DNM1L: variants seen among roughly 807,000 people sequenced by gnomAD.
DNM1L encodes dynamin 1L, also known as dynamin-1-like protein.
A neutral mutation model predicts 92.8 loss-of-function variants in DNM1L; 33 were observed. That is an observed-to-expected ratio of 0.36 (90% CI 0.27 to 0.48). The LOEUF is 0.48. Ranked by LOEUF, DNM1L falls within the 20% of genes least tolerant of loss-of-function variation. DNM1L has a pLI of 0.99. For missense variants in DNM1L, 485 were observed against 888.8 expected, an observed-to-expected ratio of 0.55 and a Z score of 5.78; for synonymous variants, 284 against 305.0, an observed-to-expected ratio of 0.93 and a Z score of 0.72.
At chr12:32,705,857 T>G (rs1189931797) in intron 2 of DNM1L, 1 of 1,598,056 alleles carries the variant, frequency 6.3e-7, no homozygotes, top group African/African-American at 1.3e-5. Context: ...AAGACACCTT[T>G]CTAAAGGTTT....
At chr12:32,728,554 C>T (rs532103955) in intron 9 of DNM1L, 3 of 152,230 alleles carry the variant, frequency 2.0e-5, no homozygotes, top group African/African-American at 4.8e-5. Context: ...CCTAATCAAG[C>T]GTTTCAGACA....
chr12:32,720,809 C>T lies in DNM1L; in HGVS notation c.872+14C>T, dbSNP rs1164641017. 1.2e-6 allele frequency: 2 copies of T among 1,611,928 alleles called. No individual in the cohort carries two copies. Among genetic ancestry groups the T allele is most frequent in the African/African-American group, 1.3e-5 (1 of 74,824 alleles). On this transcript the variant is annotated intron_variant, in intron 8 of 19. Transcript: ENST00000549701. ...GACTCTAAACAGGTAATTTTTTTACCTTTTGGAAATGAGATGTGTTTGTTT... is the reference window on the plus strand; with the variant it reads ...GACTCTAAACAGGTAATTTTTTTACTTTTTGGAAATGAGATGTGTTTGTTT...
At chr12:32,735,048 G>A (rs577164169) in intron 13 of DNM1L, among the ~76,000 whole-genome samples, 1 of 152,286 alleles carries the variant, frequency 6.6e-6, no homozygotes, top group Admixed American at 6.5e-5. Flanking sequence ...AAATTAGCAT[G>A]TAGACACTTA....
At chr12:32,701,350 T>G in intron 1 of DNM1L, 65 bp from the exon 2 acceptor site, 2 of 1,403,386 alleles carry the variant, frequency 1.4e-6, no homozygotes, top group Non-Finnish European at 2.0e-6. Flanking sequence ...GTTAATATAG[T>G]TTATTGAATT....
chr12:32,731,764 G>A lies in DNM1L; in HGVS notation c.1357-90G>A. On this transcript the variant is annotated intron_variant, in intron 11 of 19. Coordinates refer to ENST00000549701, the MANE Select transcript of DNM1L (RefSeq NM_012062.5). The surrounding 1 kb of genome is among the most constrained non-coding windows in gnomAD (Gnocchi z 5.1). ...TCTACATGTAGTCTCAGCTACTTGGGAGGCTAAGGTGGGAGGATGGCTTAG... is the reference window on the plus strand; with the variant it reads ...TCTACATGTAGTCTCAGCTACTTGGAAGGCTAAGGTGGGAGGATGGCTTAG... 8.8e-7 allele frequency: 1 copy of A among 1,141,900 alleles called. No individual in the cohort carries two copies. 70.7% of individuals were successfully genotyped at this position (1,141,900 alleles called of 1,614,324 possible).
Position 32,743,502 on chromosome 12 carries a change from T to A in DNM1L, c.*92T>A. 1 of 1,218,180 alleles carries A rather than the reference T, an allele frequency of 8.2e-7. No homozygotes were observed. The highest frequency in any genetic ancestry group is 1.2e-6 in the Non-Finnish European group (1 of 831,532). 75.5% of individuals were successfully genotyped at this position (1,218,180 alleles called of 1,614,324 possible). A position where few individuals can be genotyped will look rare whatever the true frequency, so the allele number is the denominator to read the frequency against. On this transcript the variant is annotated 3_prime_UTR_variant, in exon 20 of 20. Coordinates refer to ENST00000549701, the MANE Select transcript of DNM1L (RefSeq NM_012062.5). ...ATCTTATTTATGAACTCCTGTGTAT[T>A]GCAATGGTATGAATCTGCTCATGTG... is the stretch of plus-strand genomic sequence containing the variant.
chr12:32,701,476 C>G lies in DNM1L; in HGVS notation c.164C>G (p.Thr55Ser). 2 of 1,613,734 alleles carry G rather than the reference C, an allele frequency of 1.2e-6. No homozygotes were observed. The part of the protein sequence containing the change: ...LVGRDLLPRG[T>S]GIVTRRPLIL... ...GGGAGGGACCTGCTTCCCAGAGGTA[C>G]TGGAATTGTCACCCGGAGACCTCTC... Residue 55 changes from threonine to serine, a missense_variant, in exon 2 of 20, where the codon ACT becomes AGT. By Grantham distance (58) the Thr-to-Ser change is moderately conservative. Transcript: ENST00000549701.
At chr12:32,692,921 T>C (rs992020538) in intron 1 of DNM1L, 2 of 152,272 alleles carry the variant, frequency 1.3e-5, no homozygotes, top group Non-Finnish European at 2.9e-5. Flanking sequence ...CTTATACTGC[T>C]ATATAATGGT....
intron 2 of DNM1L, among the ~76,000 whole-genome samples, chr12:32,704,999 A>G (rs1952863588): frequency 1.4e-5 from 2 of 140,522 alleles, no homozygotes; most frequent in African/African-American, 5.5e-5. Context: ...TCTCAGGCAA[A>G]GTTTTTTTTT....
chr12:32,735,342 C>T (rs1023361497), intron 13 of DNM1L, among the ~76,000 whole-genome samples: 2 of 152,160 alleles, frequency 1.3e-5, no homozygotes, highest in African/African-American at 2.4e-5. Context: ...TACTCCACAT[C>T]TGCTGGGGTC....
intron 7 of DNM1L, among the ~76,000 whole-genome samples, chr12:32,719,455 C>T (rs1189162365): frequency 6.6e-6 from 1 of 152,180 alleles, no homozygotes; most frequent in Non-Finnish European, 1.5e-5. Context: ...GTTTTAATCC[C>T]TGGCATTAGT....
chr12:32,684,477 C>CTTTTTTTTTTTTTTTTTTTTTTTTTTT (rs768276200), intron 1 of DNM1L, among the ~76,000 whole-genome samples: 2 of 146,094 alleles, frequency 1.4e-5, no homozygotes, highest in African/African-American at 2.5e-5. Flanking sequence ...CAACATAATT[C>CTTTTTTTTTTTTTTTTTTTTTTTTTTT]TTTTTTTTTT....
At chr12:32,711,487 G>A (rs1953121419) in intron 5 of DNM1L, among the ~76,000 whole-genome samples, 1 of 151,956 alleles carries the variant, frequency 6.6e-6, no homozygotes, top group Non-Finnish European at 1.5e-5. Flanking sequence ...TTCCTGACCT[G>A]TTCCTCAACT....
At chr12:32,738,358 A>AT in intron 16 of DNM1L, 62 bp downstream of exon 16, 2 of 1,567,748 alleles carry the variant, frequency 1.3e-6, no homozygotes, top group Non-Finnish European at 1.8e-6. Flanking sequence ...AACACTGTCT[A>AT]TACCACCATT....
At chr12:32,709,079 A>T (rs1247520887) in intron 4 of DNM1L, among the ~76,000 whole-genome samples, 2 of 152,244 alleles carry the variant, frequency 1.3e-5, no homozygotes, top group East Asian at 1.9e-4. Context: ...TTTTAGAGTC[A>T]TGTTAACCTT....
chr12:32,696,124 A>G (rs1952436682), intron 1 of DNM1L, among the ~76,000 whole-genome samples: 1 of 152,178 alleles, frequency 6.6e-6, no homozygotes, highest in Admixed American at 6.5e-5. Flanking sequence ...TACCTAAGAA[A>G]GTGACACGGT....
intron 1 of DNM1L, chr12:32,679,785 G>C (rs1005934274): frequency 2.9e-6 from 3 of 1,050,748 alleles, no homozygotes; most frequent in Non-Finnish European, 3.4e-6. Flanking sequence ...CGCTGGGACC[G>C]GGCGCGGCCT....
rs1953213425 is a variant in DNM1L at position 32,713,301 on chromosome 12, T to C, written c.549T>C (p.Ala183=). 1.9e-6 allele frequency: 3 copies of C among 1,613,988 alleles called. No homozygotes were observed. The highest frequency in any genetic ancestry group is 2.5e-6 in the Non-Finnish European group (3 of 1,179,946). The change falls in exon 6 of 20, where the codon GCT becomes GCC. Residue 183 remains alanine (A), a synonymous_variant. Coordinates refer to ENST00000549701, the MANE Select transcript of DNM1L (RefSeq NM_012062.5). ...GTAATCCTAATTCCATTATCCTCGCTGTCACTGCTGCTAATACAGATATGG... is the reference window on the plus strand; with the variant it reads ...GTAATCCTAATTCCATTATCCTCGCCGTCACTGCTGCTAATACAGATATGG... ...FISNPNSIIL[A]VTAANTDMAT... is the part of the protein sequence containing the mutation.
chr12:32,723,536 A>G (rs577599552), intron 9 of DNM1L, among the ~76,000 whole-genome samples: 1 of 152,112 alleles, frequency 6.6e-6, no homozygotes, highest in East Asian at 1.9e-4. Context: ...TCTACTAAAA[A>G]TACAAAAACT....
Sources: gnomAD v4.1 joint callset for allele counts (sites outside exome capture counted in the v4.1 genomes callset) on GRCh38, gnomAD v4.1.1 for gene constraint, Gnocchi (gnomAD v3.1) non-coding constraint, MANE v1.5 for transcripts, NCBI Gene and HGNC (gene_info 2026-07-23, HGNC 2026-07-21) for gene names.